RAB3C: variants seen among roughly 807,000 people sequenced by gnomAD.
RAB3C encodes the protein RAB3C, member RAS oncogene family, also known as ras-related protein Rab-3C.
A neutral mutation model predicts 26.4 loss-of-function variants in RAB3C; 17 were observed. The ratio of observed to expected loss-of-function variants is 0.64; its 90% CI spans 0.44 to 0.97. The LOEUF is 0.97. Among genes scored for constraint, RAB3C ranks in the 50% least tolerant of loss-of-function variants. The pLI, the probability that RAB3C is intolerant of heterozygous loss-of-function variation, is 0.00. For synonymous variants in RAB3C, 91 were observed against 95.9 expected, an observed-to-expected ratio of 0.95 and a Z score of 0.30; for missense variants, 242 against 281.9, an observed-to-expected ratio of 0.86 and a Z score of 1.01.
At chr5:58,623,366 C>T (rs1239995310) in intron 2 of RAB3C, among the ~76,000 whole-genome samples, 2 of 152,162 alleles carry the variant, frequency 1.3e-5, no homozygotes, top group Non-Finnish European at 2.9e-5. Context: ...ACAATCAGGT[C>T]CTCTGGTCTA....
chr5:58,703,802 C>G (rs568330067), intron 2 of RAB3C, among the ~76,000 whole-genome samples: 1 of 152,270 alleles, frequency 6.6e-6, no homozygotes, highest in East Asian at 1.9e-4. Flanking sequence ...CATCACTACA[C>G]TAAACTTATA....
At chr5:58,807,504 A>C (rs965605124) in intron 3 of RAB3C, among the ~76,000 whole-genome samples, 20 of 152,180 alleles carry the variant, frequency 1.3e-4, no homozygotes, top group Admixed American at 5.2e-4. Context: ...TATTTCTCTG[A>C]GTTTGGAGTC....
intron 2 of RAB3C, among the ~76,000 whole-genome samples, chr5:58,637,770 T>C (rs1325892730): frequency 6.6e-6 from 1 of 152,122 alleles, no homozygotes; most frequent in African/African-American, 2.4e-5. Context: ...GAAAAAGACA[T>C]CACTGGAAAT....
chr5:58,628,121 C>T lies in RAB3C; in HGVS notation c.252+10251C>T, dbSNP rs1390593970. 5.6e-5 allele frequency among the ~76,000 whole-genome samples: 7 copies of T among 125,656 alleles called. No homozygotes were observed. In the Admixed American group the frequency reaches 5.8e-4, roughly 10 times the overall value. The allele number at this position is 125,656 out of a possible 152,430, so 82.4% of individuals were successfully genotyped here. Reference sequence around the variant, plus strand: ...GCAGTGAGCCGAGATCGTACCACTGCACTCCAGCCTGGGCGACAAGGCAAG... The same window carrying T: ...GCAGTGAGCCGAGATCGTACCACTGTACTCCAGCCTGGGCGACAAGGCAAG... On this transcript the variant is annotated intron_variant, in intron 2 of 4. Transcript: ENST00000282878.
intron 2 of RAB3C, among the ~76,000 whole-genome samples, chr5:58,639,406 C>G (rs10940620): frequency 0.086 from 13,161 of 152,174 alleles, 648 homozygotes; most frequent in East Asian, 0.18. Context: ...TATTTTCTCA[C>G]AGTTCTGAAG....
At chr5:58,690,776 T>C (rs1209137430) in intron 2 of RAB3C, among the ~76,000 whole-genome samples, 1 of 152,146 alleles carries the variant, frequency 6.6e-6, no homozygotes, top group East Asian at 1.9e-4. Context: ...AAAAGCAGAC[T>C]ATAGAAAGGC....
At chr5:58,747,715 C>G (rs1004985423) in intron 3 of RAB3C, among the ~76,000 whole-genome samples, 1 of 151,456 alleles carries the variant, frequency 6.6e-6, no homozygotes, top group Non-Finnish European at 1.5e-5. Context: ...TTCTGTCTCT[C>G]TCTCTGGAGA....
chr5:58,750,905 A>G (rs1261755759), intron 3 of RAB3C, among the ~76,000 whole-genome samples: 1 of 151,850 alleles, frequency 6.6e-6, no homozygotes, highest in Non-Finnish European at 1.5e-5. Flanking sequence ...GCCAGGCTGG[A>G]ATGCAGTGGC....
At chr5:58,596,375 C>T (rs997729122) in intron 1 of RAB3C, among the ~76,000 whole-genome samples, 1 of 150,606 alleles carries the variant, frequency 6.6e-6, no homozygotes, top group Non-Finnish European at 1.5e-5. Context: ...CTCCTGTCTA[C>T]TTCTCTCTGT....
rs115017356 is a variant in RAB3C at position 58,816,918 on chromosome 5, T to G, written c.372-8120T>G. On this transcript the variant is annotated intron_variant, in intron 3 of 4. Coordinates refer to ENST00000282878, the MANE Select transcript of RAB3C (RefSeq NM_138453.4). ...GATTTGGCTGACATTTGTTGGTGTC[T>G]GCAGAACTCAGCTGGGTTCCTTGGG... 6.2e-3 allele frequency: 944 copies of G among 152,320 alleles called. 6 individuals carry two copies. The highest frequency in any genetic ancestry group is 0.01 in the Non-Finnish European group (682 of 68,038). The allele number at this position is 152,320 out of a possible 1,614,324, so 9.4% of individuals were successfully genotyped here. A position where few individuals can be genotyped will look rare whatever the true frequency, so the allele number is the denominator to read the frequency against.
chr5:58,697,421 T>A (rs1748737975), intron 2 of RAB3C, among the ~76,000 whole-genome samples: 1 of 152,196 alleles, frequency 6.6e-6, no homozygotes, highest in African/African-American at 2.4e-5. Context: ...TGGAGAGTTT[T>A]GTAGATGTCT....
At chr5:58,630,313 T>C (rs1747162005) in intron 2 of RAB3C, among the ~76,000 whole-genome samples, 1 of 152,244 alleles carries the variant, frequency 6.6e-6, no homozygotes, top group Non-Finnish European at 1.5e-5. Flanking sequence ...TTTTTTGAAC[T>C]CATTTCACCC....
intron 2 of RAB3C, among the ~76,000 whole-genome samples, chr5:58,700,794 C>T (rs914478643): frequency 3.3e-5 from 5 of 151,970 alleles, no homozygotes; most frequent in Admixed American, 2.0e-4. Context: ...GAAATCGACT[C>T]GAGGTCTTGA....
chr5:58,669,630 C>T (rs923225435), intron 2 of RAB3C, among the ~76,000 whole-genome samples: 5 of 152,116 alleles, frequency 3.3e-5, no homozygotes, highest in Non-Finnish European at 4.4e-5. Context: ...ACTAGTAACT[C>T]GTTTTTAAAT....
At chr5:58,848,251 A>C (rs1421035505) in intron 4 of RAB3C, among the ~76,000 whole-genome samples, 1 of 152,232 alleles carries the variant, frequency 6.6e-6, no homozygotes, top group Admixed American at 6.5e-5. Context: ...GTAAGATATC[A>C]GAGTACTTTT....
intron 3 of RAB3C, among the ~76,000 whole-genome samples, chr5:58,803,026 AGGTAGTACCC>A (rs1742844596): frequency 1.3e-5 from 2 of 152,318 alleles, no homozygotes; most frequent in East Asian, 3.9e-4. Context: ...AGTAAGACAA[AGGTAGTACCC>A]ATCTATTCTG....
intron 2 of RAB3C, among the ~76,000 whole-genome samples, chr5:58,637,113 T>TA (rs1747307143): frequency 6.6e-6 from 1 of 151,080 alleles, no homozygotes; most frequent in East Asian, 1.9e-4. Context: ...TTTTTTTTTT[T>TA]ACTATTCAGT....
intron 4 of RAB3C, among the ~76,000 whole-genome samples, chr5:58,836,994 T>C (rs1743763189): frequency 6.6e-6 from 1 of 152,178 alleles, no homozygotes; most frequent in African/African-American, 2.4e-5. Context: ...TTTACATTCT[T>C]ACCAACAGTG....
chr5:58,778,805 C>T (rs1742206179), intron 3 of RAB3C, among the ~76,000 whole-genome samples: 1 of 152,080 alleles, frequency 6.6e-6, no homozygotes, highest in Non-Finnish European at 1.5e-5. Context: ...CTTCCATGTG[C>T]ACTGTATCTG....
Sources: allele counts gnomAD v4.1 joint callset (sites outside exome capture counted in the v4.1 genomes callset), GRCh38; gene constraint gnomAD v4.1.1; transcripts MANE v1.5; gene names NCBI Gene and HGNC (gene_info 2026-07-23, HGNC 2026-07-21).